TMCC1: variants seen among roughly 807,000 people sequenced by gnomAD.
TMCC1 encodes the protein transmembrane and coiled-coil domains protein 1.
TMCC1 carries 15 observed loss-of-function variants against 52.4 expected under a neutral mutation model. The observed-to-expected ratio is 0.29, with a 90% CI of 0.19 to 0.44. The LOEUF (loss-of-function observed/expected upper bound fraction) is 0.44, where lower values mean the gene tolerates loss of function less well. TMCC1 is among the 20% of genes least tolerant of loss of function. The pLI is 1.00. For missense variants in TMCC1, 503 were observed against 806.0 expected (o/e 0.62, Z 4.55); for synonymous variants, 279 against 301.9 (o/e 0.92, Z 0.79).
intron 2 of TMCC1, among the ~76,000 whole-genome samples, chr3:129,833,436 AGT>A (rs1342859552): frequency 1.3e-5 from 2 of 152,128 alleles, no homozygotes; most frequent in Non-Finnish European, 2.9e-5. Flanking sequence ...CAGGCATGGT[AGT>A]GCACACCTGT....
At chr3:129,782,582 T>C (rs2055622581) in intron 4 of TMCC1, among the ~76,000 whole-genome samples, 1 of 152,178 alleles carries the variant, frequency 6.6e-6, no homozygotes, top group Non-Finnish European at 1.5e-5. Flanking sequence ...TTCAAAGCTA[T>C]AGAATTAGAA....
chr3:129,659,898 C>G (rs997184267), intron 5 of TMCC1, among the ~76,000 whole-genome samples: 1 of 152,194 alleles, frequency 6.6e-6, no homozygotes, highest in Non-Finnish European at 1.5e-5. Context: ...AAGAGGAAAT[C>G]TACCTACTCC....
chr3:129,712,043 GGCA>G (rs1441224717), intron 4 of TMCC1, among the ~76,000 whole-genome samples: 1 of 150,024 alleles, frequency 6.7e-6, no homozygotes, highest in Non-Finnish European at 1.5e-5. Flanking sequence ...CAGGGATGGT[GGCA>G]GACACCTGTA....
In TMCC1 at chr3:129,651,334, T is replaced by C; in HGVS notation, c.*147A>G. The C allele has an allele frequency of 1.0e-6, 1 of 977,484 alleles. No individual in the cohort carries two copies. The highest frequency in any genetic ancestry group is 2.0e-5 in the South Asian group (1 of 50,082). 60.6% of individuals were successfully genotyped at this position (977,484 alleles called of 1,614,324 possible). The stretch of plus-strand genomic sequence containing the variant: ...AAAAATACTATTGCAATTGCGTCTC[T>C]TGAAGAAAAAAACATTATTCTAAAT... On this transcript the variant is annotated 3_prime_UTR_variant, in exon 7 of 7. Transcript: ENST00000393238. This position sits in a 1 kb window ranked among gnomAD's most constrained non-coding sequence, Gnocchi z 5.1.
intron 5 of TMCC1, among the ~76,000 whole-genome samples, chr3:129,659,408 A>C (rs2086878788): frequency 6.6e-6 from 1 of 152,004 alleles, no homozygotes; most frequent in Non-Finnish European, 1.5e-5. Context: ...TTCATCTTTC[A>C]AACTATAGAT....
At chr3:129,668,805 A>G (rs1426447523) in intron 5 of TMCC1, among the ~76,000 whole-genome samples, 1 of 152,068 alleles carries the variant, frequency 6.6e-6, no homozygotes, top group Admixed American at 6.5e-5. Context: ...TTGTATTTTT[A>G]GTAGAGACAA....
At chr3:129,719,586 C>A (rs2049397857) in intron 4 of TMCC1, among the ~76,000 whole-genome samples, 1 of 152,138 alleles carries the variant, frequency 6.6e-6, no homozygotes. Context: ...CTAGTGTAAT[C>A]TAATACTATC....
rs376513457 is a variant in TMCC1, at chr3:129,854,665, G to T, written c.-183-21839C>A. On this transcript the variant is annotated intron_variant, in intron 2 of 6. Coordinates refer to ENST00000393238, the MANE Select transcript of TMCC1 (RefSeq NM_001017395.5). ...GGCCTCTGCACTTGCTATTTCTTCT[G>T]TCTGGACAACCATCTCCCATCTATC... 4.6e-5 allele frequency among the ~76,000 whole-genome samples: 7 copies of T among 152,116 alleles called. No homozygotes were observed. In the East Asian group the frequency reaches 1.4e-3, roughly 29 times the overall value.
At chr3:129,838,860 T>C (rs2107861035) in intron 2 of TMCC1, among the ~76,000 whole-genome samples, 1 of 147,586 alleles carries the variant, frequency 6.8e-6, no homozygotes, top group South Asian at 2.1e-4. Context: ...ATATGTTACA[T>C]ACAGAGGAAT....
At chr3:129,871,441 C>T (rs150435486) in intron 2 of TMCC1, among the ~76,000 whole-genome samples, 84 of 150,842 alleles carry the variant, frequency 5.6e-4, no homozygotes, top group African/African-American at 1.9e-3. Context: ...ATACCTCATA[C>T]GTACTTAAAT....
intron 4 of TMCC1, among the ~76,000 whole-genome samples, chr3:129,707,713 C>T (rs1026876329): frequency 6.6e-6 from 1 of 152,042 alleles, no homozygotes. Flanking sequence ...GCGGGCGGAT[C>T]GTGAGGTCAG....
chr3:129,885,316 A>C (rs937342720), intron 1 of TMCC1, among the ~76,000 whole-genome samples: 10 of 152,114 alleles, frequency 6.6e-5, no homozygotes, highest in African/African-American at 2.4e-4. Flanking sequence ...GTGTCAAAGC[A>C]ATCACTGCAG....
Position 129,880,493 on chromosome 3 carries a change from T to A in TMCC1, c.-368A>T, listed in dbSNP as rs2061411041. ...TCTAAATCTTGTGACCAAAGGCAAC[T>A]GTTCACCGAGCGTCAGCATCTGAAG... On this transcript the variant is annotated 5_prime_UTR_variant, in exon 2 of 7. Coordinates refer to ENST00000393238, the MANE Select transcript of TMCC1 (RefSeq NM_001017395.5). 6.6e-6 allele frequency: 1 copy of A among 152,218 alleles called. No homozygotes were observed. Among genetic ancestry groups the A allele is most frequent in the Non-Finnish European group, 1.5e-5 (1 of 68,034 alleles). The allele number at this position is 152,218 out of a possible 1,614,324, so 9.4% of individuals were successfully genotyped here. A position where few individuals can be genotyped will look rare whatever the true frequency, so the allele number is the denominator to read the frequency against.
intron 2 of TMCC1, among the ~76,000 whole-genome samples, chr3:129,873,856 C>T (rs546752162): frequency 1.4e-4 from 21 of 152,086 alleles, no homozygotes; most frequent in Non-Finnish European, 2.8e-4. Flanking sequence ...ATCCCAAATC[C>T]AAGCAGCATT....
chr3:129,774,485 T>C (rs2054865303), intron 4 of TMCC1, among the ~76,000 whole-genome samples: 1 of 152,224 alleles, frequency 6.6e-6, no homozygotes, highest in Non-Finnish European at 1.5e-5. Flanking sequence ...TGGAAGATAC[T>C]GTCCCTGCCC....
chr3:129,775,335 A>G (rs1450032232), intron 4 of TMCC1, among the ~76,000 whole-genome samples: 1 of 152,060 alleles, frequency 6.6e-6, no homozygotes, highest in Non-Finnish European at 1.5e-5. Flanking sequence ...GTGGTGGTAC[A>G]TGCCTGCAGT....
intron 2 of TMCC1, among the ~76,000 whole-genome samples, chr3:129,835,679 CATGT>C (rs989558366): frequency 5.8e-4 from 88 of 152,186 alleles, no homozygotes; most frequent in Middle Eastern, 3.4e-3. Flanking sequence ...AGTGCAGAAC[CATGT>C]ATATATCATG....
At chr3:129,803,316 C>T (rs1178402060) in intron 4 of TMCC1, among the ~76,000 whole-genome samples, 1 of 151,786 alleles carries the variant, frequency 6.6e-6, no homozygotes, top group Non-Finnish European at 1.5e-5. Flanking sequence ...TAGTGAAACT[C>T]CAAGAAATGA....
chr3:129,857,253 C>T (rs1396875318), intron 2 of TMCC1: 1 of 150,486 alleles, frequency 6.6e-6, no homozygotes, highest in African/African-American at 2.5e-5. Context: ...GGCTTACCTA[C>T]AGGGAAGAGA....
Sources: gnomAD v4.1 joint callset for allele counts (sites outside exome capture counted in the v4.1 genomes callset) on GRCh38, gnomAD v4.1.1 for gene constraint, Gnocchi (gnomAD v3.1) non-coding constraint, MANE v1.5 for transcripts, NCBI Gene and HGNC (gene_info 2026-07-23, HGNC 2026-07-21) for gene names.